CSGALNACT1: variants seen among roughly 807,000 people sequenced by gnomAD.
The protein encoded by CSGALNACT1 is chondroitin sulfate N-acetylgalactosaminyltransferase 1, also known as beta4GalNAcT-1.
In CSGALNACT1, 52 loss-of-function variants were observed where a neutral mutation model predicts 51.0. The ratio of observed to expected loss-of-function variants is 1.02; its 90% CI spans 0.82 to 1.29. CSGALNACT1 has a LOEUF of 1.29. CSGALNACT1 is among the 50% of genes most tolerant of loss of function. CSGALNACT1 has a pLI of 0.00. For missense variants in CSGALNACT1, 935 were observed against 679.2 expected (o/e 1.38, Z -4.19); for synonymous variants, 341 against 254.4 (o/e 1.34, Z -3.24).
At chr8:19,752,061 T>C (rs2065063318) in intron 1 of CSGALNACT1, among the ~76,000 whole-genome samples, 1 of 96,348 alleles carries the variant, frequency 1.0e-5, no homozygotes, top group Non-Finnish European at 2.0e-5. Context: ...TATAACAATA[T>C]ATTTTTATAT....
intron 4 of CSGALNACT1, among the ~76,000 whole-genome samples, chr8:19,477,425 C>T (rs569719010): frequency 9.9e-5 from 15 of 152,274 alleles, no homozygotes; most frequent in African/African-American, 2.2e-4. Context: ...TTCCAGCGGA[C>T]GATAGCACAC....
intron 1 of CSGALNACT1, among the ~76,000 whole-genome samples, chr8:19,663,291 C>T (rs1348194561): frequency 6.6e-6 from 1 of 152,058 alleles, no homozygotes; most frequent in African/African-American, 2.4e-5. Context: ...AGGTTTTTTT[C>T]TCCCCTTCCT....
At chr8:19,569,023 T>C (rs2042460408) in intron 3 of CSGALNACT1, among the ~76,000 whole-genome samples, 1 of 152,234 alleles carries the variant, frequency 6.6e-6, no homozygotes, top group African/African-American at 2.4e-5. Flanking sequence ...GATGCAATTT[T>C]AACACTGCAA....
At chr8:19,666,999 GAAAGA>G (rs1564385785) in intron 1 of CSGALNACT1, among the ~76,000 whole-genome samples, 129 of 25,938 alleles carry the variant, frequency 5.0e-3, no homozygotes, top group Admixed American at 9.8e-3. Context: ...AAGAAAGAAA[GAAAGA>G]AAGAAAGAAA....
At chr8:19,728,325 T>G (rs1345846594) in intron 1 of CSGALNACT1, among the ~76,000 whole-genome samples, 1 of 152,170 alleles carries the variant, frequency 6.6e-6, no homozygotes, top group African/African-American at 2.4e-5. Flanking sequence ...TGGAAAAAAT[T>G]AACACATCTA....
chr8:19,523,709 G>A (rs768693239), intron 3 of CSGALNACT1, among the ~76,000 whole-genome samples: 1 of 152,144 alleles, frequency 6.6e-6, no homozygotes. Context: ...CTTACTGCAT[G>A]GAAGGGACCA....
intron 4 of CSGALNACT1, among the ~76,000 whole-genome samples, chr8:19,486,380 C>A (rs1248636494): frequency 6.6e-6 from 1 of 152,130 alleles, no homozygotes; most frequent in African/African-American, 2.4e-5. Context: ...TCCAGAAAAA[C>A]CCTTCTAAAA....
chr8:19,680,328 G>C (rs932541723), intron 1 of CSGALNACT1, among the ~76,000 whole-genome samples: 2 of 152,210 alleles, frequency 1.3e-5, no homozygotes, highest in Non-Finnish European at 2.9e-5. Context: ...GGCCAAGGCA[G>C]GTGGATCACC....
At chr8:19,576,345 T>C (rs988700334) in intron 3 of CSGALNACT1, among the ~76,000 whole-genome samples, 11 of 151,922 alleles carry the variant, frequency 7.2e-5, no homozygotes, top group African/African-American at 2.7e-4. Context: ...CAGGCACACC[T>C]TCACACCTGG....
At chr8:19,510,149 C>A (rs866416976) in intron 3 of CSGALNACT1, among the ~76,000 whole-genome samples, 2 of 152,190 alleles carry the variant, frequency 1.3e-5, no homozygotes, top group Admixed American at 6.5e-5. Flanking sequence ...CTAATACTTT[C>A]CTATCCCTGG....
At chr8:19,727,390 C>T (rs1403839997) in intron 1 of CSGALNACT1, among the ~76,000 whole-genome samples, 1 of 152,120 alleles carries the variant, frequency 6.6e-6, no homozygotes, top group African/African-American at 2.4e-5. Context: ...CTCTATCACT[C>T]AGGCTGGAGT....
At chr8:19,432,091 T>C (rs186838931) in intron 6 of CSGALNACT1, among the ~76,000 whole-genome samples, 19 of 152,314 alleles carry the variant, frequency 1.2e-4, no homozygotes, top group African/African-American at 4.3e-4. Context: ...TGTGGATTTG[T>C]CTAGTGTCCT....
chr8:19,692,478 A>G (rs2061383338), intron 1 of CSGALNACT1, among the ~76,000 whole-genome samples: 2 of 152,150 alleles, frequency 1.3e-5, no homozygotes, highest in Non-Finnish European at 2.9e-5. Flanking sequence ...GGTAAGGGAG[A>G]TAGATGGTGA....
chr8:19,689,424 C>T (rs1296348122), intron 1 of CSGALNACT1, among the ~76,000 whole-genome samples: 1 of 152,228 alleles, frequency 6.6e-6, no homozygotes, highest in East Asian at 1.9e-4. Flanking sequence ...TCCCAGCTGA[C>T]ACTGCATGGA....
chr8:19,719,134 T>C (rs1011918257), intron 1 of CSGALNACT1, among the ~76,000 whole-genome samples: 4 of 152,304 alleles, frequency 2.6e-5, no homozygotes, highest in Admixed American at 1.3e-4. Context: ...AATATACACA[T>C]ACACTATACA....
At chr8:19,610,923 C>T (rs893077209) in intron 1 of CSGALNACT1, among the ~76,000 whole-genome samples, 3 of 152,250 alleles carry the variant, frequency 2.0e-5, no homozygotes, top group African/African-American at 7.2e-5. Flanking sequence ...CCCACTGCGG[C>T]TTCCGGAGCT....
At chr8:19,467,268 C>T (rs1039173173) in intron 4 of CSGALNACT1, among the ~76,000 whole-genome samples, 14 of 151,790 alleles carry the variant, frequency 9.2e-5, no homozygotes, top group African/African-American at 2.9e-4. Context: ...TACAGGAGCC[C>T]GCCACCATGA....
At chr8:19,749,053 C>T (rs964605442) in intron 1 of CSGALNACT1, among the ~76,000 whole-genome samples, 6 of 151,890 alleles carry the variant, frequency 4.0e-5, no homozygotes, top group African/African-American at 1.5e-4. Context: ...CAGGCCCATT[C>T]ACCAGGGGTG....
intron 5 of CSGALNACT1, among the ~76,000 whole-genome samples, chr8:19,453,678 G>A (rs2063575369): frequency 6.6e-6 from 1 of 152,212 alleles, no homozygotes; most frequent in South Asian, 2.1e-4. Context: ...TTGGGAGGCT[G>A]AGGTGGGCAG....
Sources: gnomAD v4.1 joint callset for allele counts (sites outside exome capture counted in the v4.1 genomes callset) on GRCh38, gnomAD v4.1.1 for gene constraint, MANE v1.5 for transcripts, NCBI Gene and HGNC (gene_info 2026-07-23, HGNC 2026-07-21) for gene names.